Variants in HCN1 observed in about 807,000 individuals in gnomAD.
HCN1 encodes potassium/sodium hyperpolarization-activated cyclic nucleotide-gated channel 1.
HCN1 carries 13 observed loss-of-function variants against 78.9 expected under a neutral mutation model. The ratio of observed to expected loss-of-function variants is 0.16; its 90% CI spans 0.11 to 0.26. The LOEUF is 0.26. HCN1 is among the 10% of genes least tolerant of loss of function. The pLI, the probability that HCN1 is intolerant of heterozygous loss-of-function variation, is 1.00. For synonymous variants in HCN1, 552 were observed against 455.5 expected, an observed-to-expected ratio of 1.21 and a Z score of -2.70; for missense variants, 810 against 1,154.3, an observed-to-expected ratio of 0.70 and a Z score of 4.32.
intron 3 of HCN1, among the ~76,000 whole-genome samples, chr5:45,459,137 C>T (rs894624509): frequency 6.6e-6 from 1 of 151,842 alleles, no homozygotes; most frequent in Admixed American, 6.6e-5. Flanking sequence ...GGCATGATGG[C>T]TCATGCCTGT....
At chr5:45,350,181 C>CA (rs1446715098) in intron 5 of HCN1, among the ~76,000 whole-genome samples, 1 of 152,160 alleles carries the variant, frequency 6.6e-6, no homozygotes, top group Non-Finnish European at 1.5e-5. Context: ...CCACCGCGAT[C>CA]AAGTGGGCTT....
intron 5 of HCN1, among the ~76,000 whole-genome samples, chr5:45,337,814 T>C (rs181875700): frequency 2.0e-5 from 3 of 152,252 alleles, no homozygotes; most frequent in Admixed American, 1.3e-4. Flanking sequence ...CTTCAGGAGA[T>C]AACATTTGTA....
At chr5:45,305,272 T>A (rs1304882206) in intron 5 of HCN1, among the ~76,000 whole-genome samples, 2 of 152,154 alleles carry the variant, frequency 1.3e-5, no homozygotes, top group African/African-American at 4.8e-5. Flanking sequence ...CCATCCAGGA[T>A]AGATAAAGAA....
At chr5:45,327,354 T>G (rs948219965) in intron 5 of HCN1, among the ~76,000 whole-genome samples, 1 of 151,588 alleles carries the variant, frequency 6.6e-6, no homozygotes, top group African/African-American at 2.4e-5. Flanking sequence ...TGTGAGAAAA[T>G]GACTTGGAGA....
rs148932124 is a variant in HCN1 at position 45,262,797 on chromosome 5, T to C, written c.1797A>G (p.Ser599=). The change falls in exon 8 of 8, where the codon TCA becomes TCG. Residue 599 remains serine, a synonymous_variant. Transcript: ENST00000303230. ...DRLDRIGKKN[S]ILLQKFQKDL... is the part of the protein sequence containing the mutation. Reference sequence around the variant, plus strand: ...CCTTCTGGAACTTTTGCAGAAGAATTGAATTTTTCTTTCCTGTCAGCAAAA... The same window carrying C: ...CCTTCTGGAACTTTTGCAGAAGAATCGAATTTTTCTTTCCTGTCAGCAAAA... 4.8e-3 allele frequency: 7,737 copies of C among 1,613,884 alleles called. 34 individuals are homozygous for C. Among genetic ancestry groups the C allele is most frequent in the Non-Finnish European group, 5.5e-3 (6,517 of 1,180,026 alleles).
intron 3 of HCN1, among the ~76,000 whole-genome samples, chr5:45,403,471 G>A (rs150344549): frequency 6.6e-5 from 10 of 152,200 alleles, no homozygotes; most frequent in African/African-American, 2.4e-4. Flanking sequence ...AAGCAAACAC[G>A]CCTTTCTTCA....
intron 5 of HCN1, among the ~76,000 whole-genome samples, chr5:45,313,500 G>T (rs1255198423): frequency 6.6e-6 from 1 of 152,206 alleles, no homozygotes; most frequent in Non-Finnish European, 1.5e-5. Context: ...GCCAGCACCA[G>T]AACAAAGCTG....
At chr5:45,342,547 CT>C (rs1369486746) in intron 5 of HCN1, among the ~76,000 whole-genome samples, 1 of 151,958 alleles carries the variant, frequency 6.6e-6, no homozygotes, top group Non-Finnish European at 1.5e-5. Flanking sequence ...CAGCTTATTT[CT>C]TTCTTTTAAC....
intron 2 of HCN1, among the ~76,000 whole-genome samples, chr5:45,463,419 C>T (rs1406643084): frequency 6.6e-6 from 1 of 151,912 alleles, no homozygotes; most frequent in Non-Finnish European, 1.5e-5. Flanking sequence ...TGGGAATATA[C>T]ACACTGTTCT....
intron 2 of HCN1, among the ~76,000 whole-genome samples, chr5:45,496,416 T>C (rs1351196248): frequency 2.0e-5 from 3 of 152,024 alleles, no homozygotes; most frequent in African/African-American, 7.2e-5. Flanking sequence ...TCTCTGATGG[T>C]AGTTTGAAAT....
At chr5:45,566,427 G>A (rs1743708280) in intron 2 of HCN1, among the ~76,000 whole-genome samples, 1 of 151,762 alleles carries the variant, frequency 6.6e-6, no homozygotes, top group Non-Finnish European at 1.5e-5. Context: ...TGAGATTATA[G>A]TATTTTTCAT....
chr5:45,624,121 G>C (rs1225081093), intron 2 of HCN1, among the ~76,000 whole-genome samples: 1 of 152,160 alleles, frequency 6.6e-6, no homozygotes, highest in South Asian at 2.1e-4. Context: ...AGATAATGCA[G>C]GACCTTATGG....
chr5:45,593,197 C>T lies in HCN1; in HGVS notation c.849+51988G>A, dbSNP rs76414665. ...TTGTTAGTCCTTACAGTTGCACGCG[C>T]GCATGCACGCACGCGCACACACACA... On this transcript the variant is annotated intron_variant, in intron 2 of 7. Transcript: ENST00000303230. Among the ~76,000 whole-genome samples, 102 of 136,400 alleles carry T rather than the reference C, an allele frequency of 7.5e-4. 2 individuals carry two copies. In the East Asian group the frequency reaches 0.014, roughly 19 times the overall value. The allele number at this position is 136,400 out of a possible 152,430, so 89.5% of individuals were successfully genotyped here.
At chr5:45,489,250 T>G (rs144242624) in intron 2 of HCN1, among the ~76,000 whole-genome samples, 1 of 152,134 alleles carries the variant, frequency 6.6e-6, no homozygotes, top group African/African-American at 2.4e-5. Context: ...GGAGAATTAA[T>G]AGTTTTCTGT....
chr5:45,463,876 C>T (rs1741216398), intron 2 of HCN1, among the ~76,000 whole-genome samples: 1 of 151,984 alleles, frequency 6.6e-6, no homozygotes, highest in African/African-American at 2.4e-5. Context: ...TGTTAAATTG[C>T]AGAATATAAA....
chr5:45,477,447 G>T (rs1208053457), intron 2 of HCN1, among the ~76,000 whole-genome samples: 1 of 152,170 alleles, frequency 6.6e-6, no homozygotes, highest in East Asian at 1.9e-4. Flanking sequence ...AAAGTCAAAG[G>T]CAGGTTTTCT....
At chr5:45,610,036 C>T (rs770650385) in intron 2 of HCN1, among the ~76,000 whole-genome samples, 3 of 151,910 alleles carry the variant, frequency 2.0e-5, no homozygotes, top group African/African-American at 7.3e-5. Flanking sequence ...GATTGCATCC[C>T]GCAGAAGATA....
At chr5:45,352,653 G>T (rs111841382) in intron 5 of HCN1, among the ~76,000 whole-genome samples, 2 of 152,168 alleles carry the variant, frequency 1.3e-5, no homozygotes, top group Admixed American at 6.6e-5. Flanking sequence ...GCAAAGCAAA[G>T]AGGTGGTTAT....
chr5:45,645,387 T>C lies in HCN1; in HGVS notation c.647A>G (p.Asn216Ser). 6.2e-7 allele frequency: 1 copy of C among 1,613,562 alleles called. No homozygotes were observed. ...IILDPKVIKMNYLKSWFVVDF... is the reference protein window; with the variant it reads ...IILDPKVIKMSYLKSWFVVDF... ...AACCACAAACCAGCTTTTTAAATAATTCATCTTGATCACTTTGGGGTCCAG... is the reference window on the plus strand; with the variant it reads ...AACCACAAACCAGCTTTTTAAATAACTCATCTTGATCACTTTGGGGTCCAG... Residue 216 changes from asparagine to serine, a missense_variant, in exon 2 of 8, where the codon AAT becomes AGT. Transcript: ENST00000303230.
Sources: gnomAD v4.1 joint callset for allele counts (sites outside exome capture counted in the v4.1 genomes callset) on GRCh38, gnomAD v4.1.1 for gene constraint, MANE v1.5 for transcripts, NCBI Gene and HGNC (gene_info 2026-07-23, HGNC 2026-07-21) for gene names.